Variants in FBXO31 observed in about 807,000 individuals in gnomAD.
FBXO31 encodes the protein F-box only protein 31.
FBXO31 carries 24 observed loss-of-function variants against 54.4 expected under a neutral mutation model. The ratio of observed to expected loss-of-function variants is 0.44; its 90% CI spans 0.32 to 0.62. The LOEUF is 0.62. Ranked by LOEUF, FBXO31 falls within the 20% of genes least tolerant of loss-of-function variation. The pLI, the probability that FBXO31 is intolerant of heterozygous loss-of-function variation, is 0.05. For missense variants in FBXO31, 665 were observed against 787.1 expected (o/e 0.84, Z 1.86); for synonymous variants, 388 against 335.6 (o/e 1.16, Z -1.71).
At chr16:87,373,527 A>G (rs1906691644) in intron 1 of FBXO31, among the ~76,000 whole-genome samples, 1 of 138,432 alleles carries the variant, frequency 7.2e-6, no homozygotes, top group East Asian at 3.2e-4. Context: ...ACATACCTGA[A>G]GCCAACTTTT....
chr16:87,353,392 C>T (rs1209081173), intron 2 of FBXO31, among the ~76,000 whole-genome samples: 1 of 152,218 alleles, frequency 6.6e-6, no homozygotes, highest in African/African-American at 2.4e-5. Flanking sequence ...AAATTCACGT[C>T]CCCTAGAACC....
chr16:87,369,500 C>T (rs762317672), intron 1 of FBXO31, among the ~76,000 whole-genome samples: 4 of 152,232 alleles, frequency 2.6e-5, no homozygotes, highest in Non-Finnish European at 5.9e-5. Context: ...CGTGCATCAT[C>T]AGGATTTCCT....
At chr16:87,370,544 G>A (rs4843603) in intron 1 of FBXO31, among the ~76,000 whole-genome samples, 66,954 of 152,042 alleles carry the variant, frequency 0.44, 17,166 homozygotes, top group East Asian at 1. Context: ...GCCAGCCACC[G>A]GGCCGCCAGA....
intron 1 of FBXO31, among the ~76,000 whole-genome samples, chr16:87,375,565 G>A (rs573492967): frequency 6.6e-6 from 1 of 152,078 alleles, no homozygotes; most frequent in Non-Finnish European, 1.5e-5. Context: ...CAACTAAAAG[G>A]GCAACGACTA....
intron 1 of FBXO31, among the ~76,000 whole-genome samples, chr16:87,365,539 G>T (rs1024522596): frequency 1.8e-4 from 27 of 152,182 alleles, no homozygotes; most frequent in Admixed American, 6.5e-5. Context: ...GCTCGGCAGG[G>T]AGTCCCAGGC....
chr16:87,380,260 T>C (rs1907016955), intron 1 of FBXO31, among the ~76,000 whole-genome samples: 1 of 132,322 alleles, frequency 7.6e-6, no homozygotes. Context: ...AATGCACCAC[T>C]GCACTCCAGC....
rs941433004 is a variant in FBXO31 at position 87,383,100 on chromosome 16, G to T, written c.340+305C>A. On this transcript the variant is annotated intron_variant, in intron 1 of 8. Transcript: ENST00000311635. This position sits in a 1 kb window ranked among gnomAD's most constrained non-coding sequence, Gnocchi z 4.9. ...GCTCCCGGCACGGCCTCGGCCCCGTGGTGTCCCGTGCCCCGCGTCAGGGCC... is the reference window on the plus strand; with the variant it reads ...GCTCCCGGCACGGCCTCGGCCCCGTTGTGTCCCGTGCCCCGCGTCAGGGCC... Among the ~76,000 whole-genome samples the T allele has an allele frequency of 6.6e-6, 1 of 151,970 alleles. No individual in the cohort carries two copies. Among genetic ancestry groups the T allele is most frequent in the African/African-American group, 2.4e-5 (1 of 41,396 alleles).
At chr16:87,369,227 T>A (rs1906493463) in intron 1 of FBXO31, among the ~76,000 whole-genome samples, 1 of 152,168 alleles carries the variant, frequency 6.6e-6, no homozygotes, top group South Asian at 2.1e-4. Flanking sequence ...CACTGTTGAC[T>A]GTACGGCTCA....
At chr16:87,352,363 T>C (rs1485112047) in intron 2 of FBXO31, among the ~76,000 whole-genome samples, 1 of 152,168 alleles carries the variant, frequency 6.6e-6, no homozygotes. Context: ...CGCTACCTCT[T>C]ACTAAATGTT....
rs751471183 is a variant in FBXO31 at position 87,331,144 on chromosome 16, T to TG, written c.*143dup. The TG allele has an allele frequency of 1.0e-5, 7 of 689,170 alleles. No individual in the cohort carries two copies. Among genetic ancestry groups the TG allele is most frequent in the South Asian group, 1.8e-5 (1 of 54,952 alleles). 42.7% of individuals were successfully genotyped at this position (689,170 alleles called of 1,614,324 possible). A position where few individuals can be genotyped will look rare whatever the true frequency, so the allele number is the denominator to read the frequency against. ...ATGTCACACTCTCTACATAAAGTGC[T>TG]GGGGGGTGGCTGGACTGGGCCCCCC... On this transcript the variant is annotated 3_prime_UTR_variant, in exon 9 of 9. Coordinates refer to ENST00000311635, the MANE Select transcript of FBXO31 (RefSeq NM_024735.5).
At chr16:87,374,430 T>A (rs1193778882) in intron 1 of FBXO31, among the ~76,000 whole-genome samples, 1 of 152,070 alleles carries the variant, frequency 6.6e-6, no homozygotes, top group Non-Finnish European at 1.5e-5. Flanking sequence ...GACTATCTTG[T>A]GATTTATTGG....
intron 2 of FBXO31, among the ~76,000 whole-genome samples, chr16:87,355,374 G>C (rs1023053891): frequency 3.9e-5 from 6 of 152,190 alleles, no homozygotes; most frequent in Admixed American, 1.3e-4. Context: ...CAAATTTTGA[G>C]ACGCTCTCCA....
intron 1 of FBXO31, among the ~76,000 whole-genome samples, chr16:87,381,404 C>T (rs1907071088): frequency 6.6e-6 from 1 of 152,208 alleles, no homozygotes; most frequent in African/African-American, 2.4e-5. Flanking sequence ...ACAGGCATCA[C>T]CTACCTCATT....
intron 5 of FBXO31, 22 bp downstream of exon 5, chr16:87,342,855 C>A: frequency 1.3e-6 from 2 of 1,584,858 alleles, no homozygotes; most frequent in Non-Finnish European, 1.7e-6. Context: ...CATATGAACA[C>A]AGGGCCGGCT....
At chr16:87,381,129 G>C (rs993890845) in intron 1 of FBXO31, among the ~76,000 whole-genome samples, 1 of 152,160 alleles carries the variant, frequency 6.6e-6, no homozygotes, top group African/African-American at 2.4e-5. Flanking sequence ...CAGGGAAAGA[G>C]AAAGTGGAAC....
At chr16:87,333,149 C>T (rs1444952438) in intron 8 of FBXO31, among the ~76,000 whole-genome samples, 2 of 152,170 alleles carry the variant, frequency 1.3e-5, no homozygotes, top group East Asian at 3.9e-4. Context: ...GCAAGGGGCC[C>T]GTGGCACTGA....
intron 1 of FBXO31, among the ~76,000 whole-genome samples, chr16:87,370,131 G>A (rs1906534553): frequency 1.3e-5 from 2 of 152,180 alleles, no homozygotes; most frequent in African/African-American, 2.4e-5. Flanking sequence ...TGCTTTGGAA[G>A]AGCCCTTACT....
chr16:87,371,158 C>T (rs1906586435), intron 1 of FBXO31, among the ~76,000 whole-genome samples: 1 of 152,254 alleles, frequency 6.6e-6, no homozygotes, highest in Non-Finnish European at 1.5e-5. Flanking sequence ...CCAGGCATCT[C>T]CTATCAAACA....
rs1905264724 is a variant in FBXO31 at position 87,343,688 on chromosome 16, C to T, written c.567G>A (p.Lys189=). The part of the protein sequence containing the change: ...DPHVDDPMRF[K]PLFRIHLMER... ...CCATCAGGTGGATCCTGAACAGAGG[C>T]TTGAATCTCATAGGGTCATCGACGT... The change falls in exon 4 of 9, where the codon AAG becomes AAA. Residue 189 remains lysine, a synonymous_variant. Coordinates refer to ENST00000311635, the MANE Select transcript of FBXO31 (RefSeq NM_024735.5). The T allele has an allele frequency of 1.2e-6, 2 of 1,614,270 alleles. No individual in the cohort carries two copies. Among genetic ancestry groups the T allele is most frequent in the South Asian group, 1.1e-5 (1 of 91,090 alleles).
Sources: allele counts gnomAD v4.1 joint callset (sites outside exome capture counted in the v4.1 genomes callset), GRCh38; gene constraint gnomAD v4.1.1; non-coding constraint Gnocchi (gnomAD v3.1); transcripts MANE v1.5; gene names NCBI Gene and HGNC (gene_info 2026-07-23, HGNC 2026-07-21).